Variants in RALB observed in about 807,000 individuals in gnomAD.
RALB encodes the protein ras-related protein Ral-B.
In RALB, 16 loss-of-function variants were observed where a neutral mutation model predicts 21.3. The observed-to-expected ratio is 0.75, with a 90% CI of 0.51 to 1.14. The LOEUF (loss-of-function observed/expected upper bound fraction) is 1.14. RALB is among the 50% of genes most tolerant of loss of function. The probability of loss-of-function intolerance (pLI) is 0.00; values close to 1 mark genes in which losing one functional copy is unlikely to be tolerated. For missense variants in RALB, 161 were observed against 256.2 expected (o/e 0.63, Z 2.54); for synonymous variants, 93 against 96.1 (o/e 0.97, Z 0.19).
intron 1 of RALB, among the ~76,000 whole-genome samples, chr2:120,277,889 ATG>A (rs537099683): frequency 1.0e-3 from 155 of 149,730 alleles, no homozygotes; most frequent in African/African-American, 3.7e-3. Flanking sequence ...GAGTGTGAAA[ATG>A]AGTGTGAGCG....
intron 1 of RALB, among the ~76,000 whole-genome samples, chr2:120,260,042 C>T (rs1016186129): frequency 7.9e-5 from 12 of 152,320 alleles, no homozygotes; most frequent in African/African-American, 2.6e-4. Context: ...CTGGCTGCTC[C>T]GAGTGCGGGG....
chr2:120,282,500 C>T (rs1160843102), intron 2 of RALB, among the ~76,000 whole-genome samples: 1 of 132,778 alleles, frequency 7.5e-6, no homozygotes, highest in Non-Finnish European at 1.5e-5. Flanking sequence ...GATAACAGAG[C>T]TAGCACTGCT....
chr2:120,249,868 C>G (rs1191315619), upstream of RALB, among the ~76,000 whole-genome samples: 2 of 152,330 alleles, frequency 1.3e-5, no homozygotes, highest in Non-Finnish European at 2.9e-5. Flanking sequence ...GTGTGACTCA[C>G]TTTCCCCTGC....
At chr2:120,270,873 G>A (rs560358582) in intron 1 of RALB, among the ~76,000 whole-genome samples, 1 of 151,246 alleles carries the variant, frequency 6.6e-6, no homozygotes, top group East Asian at 1.9e-4. Context: ...CTTTAGGATT[G>A]CCAGACTCAA....
At chr2:120,275,266 A>ATG (rs943858175) in intron 1 of RALB, among the ~76,000 whole-genome samples, 10 of 152,188 alleles carry the variant, frequency 6.6e-5, no homozygotes, top group African/African-American at 9.7e-5. Flanking sequence ...AGCCATGTGA[A>ATG]TGTGTGTGTG....
At chr2:120,262,668 C>G (rs1370316682) in intron 1 of RALB, among the ~76,000 whole-genome samples, 1 of 152,158 alleles carries the variant, frequency 6.6e-6, no homozygotes, top group African/African-American at 2.4e-5. Flanking sequence ...ATCCTCTCAG[C>G]CTTCACATAC....
At chr2:120,268,937 A>G (rs112307279) in intron 1 of RALB, among the ~76,000 whole-genome samples, 6 of 151,748 alleles carry the variant, frequency 4.0e-5, no homozygotes, top group Non-Finnish European at 5.9e-5. Context: ...TAAACAAACA[A>G]TTTTTTTAAA....
intron 1 of RALB, among the ~76,000 whole-genome samples, chr2:120,243,348 A>T (rs1574839428): frequency 6.6e-6 from 1 of 151,966 alleles, no homozygotes; most frequent in African/African-American, 2.4e-5. Flanking sequence ...CTGGGCCACC[A>T]CTCTCGCCCC....
intron 2 of RALB, among the ~76,000 whole-genome samples, chr2:120,279,939 G>A (rs1689943958): frequency 6.6e-6 from 1 of 152,182 alleles, no homozygotes; most frequent in Admixed American, 6.5e-5. Context: ...GGTTAGGTGG[G>A]AATAGTGGTA....
rs757327197 is a variant in RALB, at chr2:120,278,602, T to C, written c.-47-16T>C. ...AAAGCAAATCGCCTCTAAGTCTTTG[T>C]CTTTGTCATCAGCAGCTCTTCAGTG... On this transcript the variant is annotated splice_polypyrimidine_tract_variant and intron_variant, in intron 1 of 4. Coordinates refer to ENST00000272519, the MANE Select transcript of RALB (RefSeq NM_002881.3). 27 of 1,451,242 alleles carry C rather than the reference T, an allele frequency of 1.9e-5. No homozygotes were observed. The highest frequency in any genetic ancestry group is 2.2e-5 in the Non-Finnish European group (24 of 1,096,680). The allele number at this position is 1,451,242 out of a possible 1,614,324, so 89.9% of individuals were successfully genotyped here. A position where few individuals can be genotyped will look rare whatever the true frequency, so the allele number is the denominator to read the frequency against.
At chr2:120,291,902 T>G (rs1313122778) in intron 4 of RALB, among the ~76,000 whole-genome samples, 3 of 152,128 alleles carry the variant, frequency 2.0e-5, no homozygotes, top group Non-Finnish European at 4.4e-5. Context: ...TTGATCTTGC[T>G]TTTCACCAAG....
intron 3 of RALB, among the ~76,000 whole-genome samples, chr2:120,288,152 G>A (rs957274496): frequency 1.3e-5 from 2 of 152,112 alleles, no homozygotes; most frequent in African/African-American, 4.8e-5. Flanking sequence ...GAGCCAGAAA[G>A]CTATCAGTTT....
intron 1 of RALB, among the ~76,000 whole-genome samples, chr2:120,256,567 C>T (rs1016241028): frequency 6.6e-6 from 1 of 152,120 alleles, no homozygotes; most frequent in Non-Finnish European, 1.5e-5. Context: ...CCCCTGCTGG[C>T]ACTCATTCTC....
At chr2:120,274,279 A>T (rs1689736042) in intron 1 of RALB, among the ~76,000 whole-genome samples, 2 of 151,940 alleles carry the variant, frequency 1.3e-5, no homozygotes. Flanking sequence ...TATTCCATTT[A>T]TTCTATTTTA....
intron 1 of RALB, among the ~76,000 whole-genome samples, chr2:120,263,621 G>A (rs1186963302): frequency 1.3e-5 from 2 of 152,146 alleles, no homozygotes; most frequent in Admixed American, 1.3e-4. Context: ...GTGCAGTGGC[G>A]TGATCTTGGC....
intron 1 of RALB, among the ~76,000 whole-genome samples, chr2:120,246,032 C>T (rs1484069064): frequency 6.6e-6 from 1 of 152,206 alleles, no homozygotes; most frequent in Admixed American, 6.5e-5. Flanking sequence ...TCCTTTTACC[C>T]CCCGACACCA....
At chr2:120,271,850 A>G (rs1453829408) in intron 1 of RALB, among the ~76,000 whole-genome samples, 1 of 152,232 alleles carries the variant, frequency 6.6e-6, no homozygotes, top group African/African-American at 2.4e-5. Context: ...CTTTATTTAT[A>G]GAAGTCTTTC....
intron 1 of RALB, among the ~76,000 whole-genome samples, chr2:120,269,252 C>T (rs1488762557): frequency 6.6e-6 from 1 of 152,140 alleles, no homozygotes; most frequent in African/African-American, 2.4e-5. Context: ...TTTGTTCCTT[C>T]CGGTGGGTTC....
At chr2:120,249,620 C>A (rs1156994939), upstream of RALB, among the ~76,000 whole-genome samples, 1 of 152,154 alleles carries the variant, frequency 6.6e-6, no homozygotes, top group Non-Finnish European at 1.5e-5. Flanking sequence ...CACTCATTGC[C>A]AAGGAGTAGC....
Sources: allele counts gnomAD v4.1 joint callset (sites outside exome capture counted in the v4.1 genomes callset), GRCh38; gene constraint gnomAD v4.1.1; transcripts MANE v1.5; gene names NCBI Gene and HGNC (gene_info 2026-07-23, HGNC 2026-07-21).